SCHIP1: variants seen among roughly 807,000 people sequenced by gnomAD.
The protein encoded by SCHIP1 is schwannomin-interacting protein 1.
A neutral mutation model predicts 29.7 loss-of-function variants in SCHIP1; 8 were observed. The observed-to-expected ratio is 0.27, with a 90% CI of 0.16 to 0.49. The LOEUF (loss-of-function observed/expected upper bound fraction) is 0.49, where lower values mean the gene tolerates loss of function less well. Among genes scored for constraint, SCHIP1 ranks in the 20% least tolerant of loss-of-function variants. SCHIP1 has a pLI of 0.99. For synonymous variants in SCHIP1, 76 were observed against 94.9 expected (o/e 0.80, Z 1.16); for missense variants, 193 against 294.6 (o/e 0.66, Z 2.52).
chr3:159,620,663 G>A, the SCHIP1 span, among the ~76,000 whole-genome samples: 2 of 152,190 alleles, frequency 1.3e-5, no homozygotes, highest in African/African-American at 2.4e-5. Flanking sequence ...ACCAGATGCT[G>A]TGGACTGGGT....
the SCHIP1 span, among the ~76,000 whole-genome samples, chr3:159,598,691 A>G: frequency 6.6e-6 from 1 of 152,142 alleles, no homozygotes; most frequent in Non-Finnish European, 1.5e-5. Flanking sequence ...ATATCAGTGG[A>G]TCTACCTGTT....
At chr3:159,532,851 T>C in the SCHIP1 span, among the ~76,000 whole-genome samples, 1 of 152,190 alleles carries the variant, frequency 6.6e-6, no homozygotes, top group Non-Finnish European at 1.5e-5. Flanking sequence ...CAAGTGAAGA[T>C]GAAGCAGAGT....
the SCHIP1 span, among the ~76,000 whole-genome samples, chr3:159,824,773 C>T: frequency 6.6e-6 from 1 of 152,212 alleles, no homozygotes; most frequent in African/African-American, 2.4e-5. Flanking sequence ...ACAATTTCTT[C>T]TTCAAACATT....
chr3:159,627,253 G>A, the SCHIP1 span, among the ~76,000 whole-genome samples: 8 of 152,182 alleles, frequency 5.3e-5, no homozygotes, highest in East Asian at 1.2e-3. Flanking sequence ...ACTTCTCCAC[G>A]CCACTATGGT....
chr3:159,461,050 G>T, the SCHIP1 span, among the ~76,000 whole-genome samples: 1 of 152,064 alleles, frequency 6.6e-6, no homozygotes, highest in Non-Finnish European at 1.5e-5. Context: ...GGGAGCAGCA[G>T]AAAGTTCCAG....
At chr3:159,362,019 G>A in the SCHIP1 span, among the ~76,000 whole-genome samples, 1 of 152,140 alleles carries the variant, frequency 6.6e-6, no homozygotes, top group Non-Finnish European at 1.5e-5. Context: ...AGACTTCTTG[G>A]TATATAGTTG....
chr3:159,709,467 T>G, the SCHIP1 span, among the ~76,000 whole-genome samples: 1 of 152,202 alleles, frequency 6.6e-6, no homozygotes, highest in Non-Finnish European at 1.5e-5. Context: ...AAAGGTTAGC[T>G]TAGGATCAGA....
At chr3:159,530,727 C>T in the SCHIP1 span, among the ~76,000 whole-genome samples, 3 of 152,168 alleles carry the variant, frequency 2.0e-5, no homozygotes, top group Non-Finnish European at 4.4e-5. Flanking sequence ...CAAACACATC[C>T]AGCCTGCACA....
At chr3:159,717,933 A>G in the SCHIP1 span, among the ~76,000 whole-genome samples, 1 of 152,212 alleles carries the variant, frequency 6.6e-6, no homozygotes, top group African/African-American at 2.4e-5. Flanking sequence ...ACAAAAAAAG[A>G]GAATTTTAGA....
the SCHIP1 span, among the ~76,000 whole-genome samples, chr3:159,794,862 C>T: frequency 6.6e-6 from 1 of 152,128 alleles, no homozygotes; most frequent in South Asian, 2.1e-4. Context: ...AGGCTCCTGG[C>T]AGTGGTTTCC....
chr3:159,789,663 C>T, the SCHIP1 span, among the ~76,000 whole-genome samples: 2 of 152,206 alleles, frequency 1.3e-5, no homozygotes, highest in Non-Finnish European at 2.9e-5. Context: ...AACGCTGATT[C>T]TGCTGGTCCA....
At chr3:159,593,010 T>C in the SCHIP1 span, among the ~76,000 whole-genome samples, 1 of 152,136 alleles carries the variant, frequency 6.6e-6, no homozygotes, top group African/African-American at 2.4e-5. Flanking sequence ...GTCCAAATTC[T>C]ATCACTTTTT....
At chr3:159,504,803 A>G in the SCHIP1 span, among the ~76,000 whole-genome samples, 23 of 152,290 alleles carry the variant, frequency 1.5e-4, no homozygotes, top group African/African-American at 5.3e-4. Context: ...TCTGTGAACA[A>G]CATATAATAA....
chr3:159,330,533 T>A, the SCHIP1 span, among the ~76,000 whole-genome samples: 9 of 152,186 alleles, frequency 5.9e-5, no homozygotes, highest in African/African-American at 2.2e-4. Context: ...CTTTGTAGAT[T>A]TATAGTATTG....
At chr3:159,774,056 T>G in the SCHIP1 span, among the ~76,000 whole-genome samples, 5 of 152,250 alleles carry the variant, frequency 3.3e-5, no homozygotes, top group African/African-American at 1.2e-4. Context: ...GTAGTGTTTT[T>G]GAGTGTTCCC....
chr3:159,475,497 G>A, the SCHIP1 span, among the ~76,000 whole-genome samples: 1 of 152,140 alleles, frequency 6.6e-6, no homozygotes, highest in East Asian at 1.9e-4. Flanking sequence ...GTTGGAATTA[G>A]ATAGTGGTGA....
At chr3:159,690,581 G>T in the SCHIP1 span, among the ~76,000 whole-genome samples, 3 of 151,772 alleles carry the variant, frequency 2.0e-5, no homozygotes, top group African/African-American at 7.3e-5. Flanking sequence ...AGGTTTTTTC[G>T]TACCTCTATA....
At chr3:159,785,108 G>A in the SCHIP1 span, among the ~76,000 whole-genome samples, 3 of 152,208 alleles carry the variant, frequency 2.0e-5, no homozygotes, top group African/African-American at 7.2e-5. Flanking sequence ...TCATAGCTCA[G>A]AGACTGAACC....
chr3:159,690,144 T>C, the SCHIP1 span, among the ~76,000 whole-genome samples: 1 of 152,220 alleles, frequency 6.6e-6, no homozygotes, highest in Admixed American at 6.5e-5. Context: ...TCTTTTTCTA[T>C]TGTTTGGAAT....
Sources: gnomAD v4.1 joint callset for allele counts (sites outside exome capture counted in the v4.1 genomes callset) on GRCh38, gnomAD v4.1.1 for gene constraint, MANE v1.5 for transcripts, NCBI Gene and HGNC (gene_info 2026-07-23, HGNC 2026-07-21) for gene names.